PINX1: variants seen among roughly 807,000 people sequenced by gnomAD.
PINX1 encodes the protein PIN2 (TERF1) interacting telomerase inhibitor 1.
A neutral mutation model predicts 25.4 loss-of-function variants in PINX1; 34 were observed. The observed-to-expected ratio is 1.34, with a 90% confidence interval of 1.02 to 1.78. PINX1 has a LOEUF of 1.78. Among genes scored for constraint, PINX1 ranks in the 40% most tolerant of loss-of-function variants. The pLI, the probability that PINX1 is intolerant of heterozygous loss-of-function variation, is 0.00. For synonymous variants in PINX1, 197 were observed against 147.7 expected, an observed-to-expected ratio of 1.33 and a Z score of -2.42; for missense variants, 592 against 404.9, an observed-to-expected ratio of 1.46 and a Z score of -3.97.
rs573478255 is a variant in PINX1, at chr8:10,833,786, G to A, written c.130-802C>T. 48 of 164,906 alleles carry A rather than the reference G, an allele frequency of 2.9e-4. 7 individuals are homozygous for A. The highest frequency in any genetic ancestry group is 2.1e-3 in the Middle Eastern group (4 of 1,942). 10.2% of individuals were successfully genotyped at this position (164,906 alleles called of 1,614,324 possible). A position where few individuals can be genotyped will look rare whatever the true frequency, so the allele number is the denominator to read the frequency against. On this transcript the variant is annotated intron_variant, in intron 2 of 6. Coordinates refer to ENST00000314787, the MANE Select transcript of PINX1 (RefSeq NM_017884.6). ...TGGAGAAAAACGACGACTGGGCTGC[G>A]GGAGGCAAGAGGGCGGAGGAATCAA...
intron 6 of PINX1, among the ~76,000 whole-genome samples, chr8:10,782,224 T>C (rs1296837548): frequency 2.0e-5 from 3 of 152,086 alleles, no homozygotes; most frequent in African/African-American, 4.8e-5. Flanking sequence ...AGCAGGTGTG[T>C]AGGTCCCCAC....
chr8:10,827,978 A>T (rs1798109029), intron 4 of PINX1, among the ~76,000 whole-genome samples: 1 of 152,098 alleles, frequency 6.6e-6, no homozygotes, highest in Non-Finnish European at 1.5e-5. Flanking sequence ...ATTGGAAAAA[A>T]AGAAACTCTC....
At chr8:10,833,330 G>A (rs892757611) in intron 2 of PINX1, among the ~76,000 whole-genome samples, 26 of 152,204 alleles carry the variant, frequency 1.7e-4, no homozygotes, top group African/African-American at 6.0e-4. Context: ...ACCTACGGGA[G>A]GAATTTGGAT....
intron 6 of PINX1, among the ~76,000 whole-genome samples, chr8:10,816,647 A>G (rs1332875876): frequency 6.6e-6 from 1 of 152,232 alleles, no homozygotes. Context: ...AGCAACAGCC[A>G]ATCATTTTCC....
chr8:10,819,098 C>A (rs748245095), intron 6 of PINX1, among the ~76,000 whole-genome samples: 10 of 152,212 alleles, frequency 6.6e-5, no homozygotes, highest in Admixed American at 6.5e-5. Flanking sequence ...TCCGCGCAGG[C>A]ACCAAAGCCA....
At chr8:10,784,094 C>G (rs1801674510) in intron 6 of PINX1, among the ~76,000 whole-genome samples, 1 of 152,108 alleles carries the variant, frequency 6.6e-6, no homozygotes, top group Non-Finnish European at 1.5e-5. Flanking sequence ...CATGATTAAT[C>G]CAATTTAGAG....
intron 6 of PINX1, among the ~76,000 whole-genome samples, chr8:10,790,005 C>T (rs1374979308): frequency 6.6e-6 from 1 of 152,210 alleles, no homozygotes; most frequent in Non-Finnish European, 1.5e-5. Flanking sequence ...GTGAGGACAA[C>T]TGCATTCAGG....
chr8:10,807,727 C>G (rs928065605), intron 6 of PINX1, among the ~76,000 whole-genome samples: 2 of 152,088 alleles, frequency 1.3e-5, no homozygotes, highest in South Asian at 4.2e-4. Flanking sequence ...AATTCTATAC[C>G]CAGACCATCT....
intron 6 of PINX1, among the ~76,000 whole-genome samples, chr8:10,788,837 G>A (rs1049436442): frequency 2.6e-5 from 4 of 152,228 alleles, no homozygotes; most frequent in African/African-American, 7.2e-5. Flanking sequence ...TTTCCCTTAT[G>A]AGATCATGGA....
rs1798267368 is a variant in PINX1 at position 10,832,915 on chromosome 8, G to A, written c.199C>T (p.Leu67Phe). 1 of 1,610,614 alleles carries A rather than the reference G, an allele frequency of 6.2e-7. No homozygotes were observed. The highest frequency in any genetic ancestry group is 8.5e-7 in the Non-Finnish European group (1 of 1,177,320). ...KVQVKNNHLG[L>F]GATINNEDNW... The stretch of plus-strand genomic sequence containing the variant: ...ACTTCATTATTGATGGTAGCTCCGA[G>A]TCCCAGGTGGTTATTTTTCACTTGA... The change falls in exon 3 of 7, where the codon CTC (leucine) becomes TTC (phenylalanine). Residue 67 changes from leucine to phenylalanine, a missense_variant. Leu to Phe is a conservative substitution (Grantham distance 22, BLOSUM62 0). Coordinates refer to ENST00000314787, the MANE Select transcript of PINX1 (RefSeq NM_017884.6).
chr8:10,826,293 C>CA (rs1563234756), intron 4 of PINX1, 49 bp from the exon 5 acceptor site: 3 of 1,014,304 alleles, frequency 3.0e-6, no homozygotes, highest in African/African-American at 1.6e-5. Context: ...AATCCAATCT[C>CA]ATTTATTCTC....
chr8:10,793,355 T>C (rs2129077239), intron 6 of PINX1, among the ~76,000 whole-genome samples: 1 of 152,334 alleles, frequency 6.6e-6, no homozygotes, highest in East Asian at 1.9e-4. Flanking sequence ...AGACCAGGGG[T>C]GTCCAATCTT....
intron 6 of PINX1, among the ~76,000 whole-genome samples, chr8:10,781,936 T>C (rs927065285): frequency 2.0e-5 from 3 of 151,128 alleles, no homozygotes; most frequent in Non-Finnish European, 4.4e-5. Flanking sequence ...ACATCCTAAG[T>C]GTCTGTCCAC....
intron 6 of PINX1, among the ~76,000 whole-genome samples, chr8:10,794,331 A>G (rs967143777): frequency 2.0e-5 from 3 of 152,254 alleles, no homozygotes; most frequent in African/African-American, 7.2e-5. Flanking sequence ...ACCTACACAG[A>G]AAAGTAACTT....
intron 6 of PINX1, among the ~76,000 whole-genome samples, chr8:10,767,176 T>G (rs1239519713): frequency 1.3e-5 from 2 of 152,232 alleles, no homozygotes; most frequent in East Asian, 1.9e-4. Context: ...AGGATTCTAC[T>G]AATGATCCTA....
chr8:10,839,068 C>A (rs930204637), intron 1 of PINX1, among the ~76,000 whole-genome samples: 1 of 152,186 alleles, frequency 6.6e-6, no homozygotes, highest in African/African-American at 2.4e-5. Context: ...TGGCGGCAAG[C>A]GACCTTCGCT....
intron 6 of PINX1, among the ~76,000 whole-genome samples, chr8:10,794,269 T>G (rs1802014554): frequency 6.6e-6 from 1 of 152,216 alleles, no homozygotes; most frequent in South Asian, 2.1e-4. Context: ...AAAATAAAAT[T>G]TTAAATTACA....
At chr8:10,829,647 T>G (rs1010168351) in intron 4 of PINX1, among the ~76,000 whole-genome samples, 4 of 152,168 alleles carry the variant, frequency 2.6e-5, no homozygotes, top group Non-Finnish European at 4.4e-5. Context: ...TGCATTCTAT[T>G]TAATCTCCAA....
At chr8:10,784,302 T>C (rs1474388369) in intron 6 of PINX1, among the ~76,000 whole-genome samples, 3 of 152,228 alleles carry the variant, frequency 2.0e-5, no homozygotes, top group African/African-American at 4.8e-5. Context: ...AGAAGACTTA[T>C]AAGTGGCTCT....
Sources: allele counts gnomAD v4.1 joint callset (sites outside exome capture counted in the v4.1 genomes callset), GRCh38; gene constraint gnomAD v4.1.1; transcripts MANE v1.5; gene names NCBI Gene and HGNC (gene_info 2026-07-23, HGNC 2026-07-21).